The following DCTN1 variants were observed in gnomAD, a reference collection of about 807,000 sequenced individuals.
The protein encoded by DCTN1 is 150 kDa dynein-associated polypeptide.
DCTN1 carries 61 observed loss-of-function variants against 161.2 expected under a neutral mutation model. The ratio of observed to expected loss-of-function variants is 0.38; its 90% confidence interval spans 0.31 to 0.47. DCTN1 has a LOEUF of 0.47. DCTN1 is among the 20% of genes least tolerant of loss of function. The probability of loss-of-function intolerance (pLI) is 0.99; values close to 1 mark genes in which losing one functional copy is unlikely to be tolerated. For missense variants in DCTN1, 1,404 were observed against 1,623.7 expected, an observed-to-expected ratio of 0.86 and a Z score of 2.33; for synonymous variants, 653 against 632.4, an observed-to-expected ratio of 1.03 and a Z score of -0.49.
At chr2:74,382,616 C>T (rs982592641), upstream of DCTN1, among the ~76,000 whole-genome samples, 5 of 142,834 alleles carry the variant, frequency 3.5e-5, no homozygotes, top group Admixed American at 3.5e-4. Context: ...AAAAAAAGCA[C>T]CTTGTAAAAA....
At chr2:74,362,272 G>A in intron 30 of DCTN1, 131 bp from the exon 31 acceptor site, 1 of 782,494 alleles carries the variant, frequency 1.3e-6, no homozygotes, top group Non-Finnish European at 2.1e-6. Context: ...ACATACTTTT[G>A]CTCTCATCTC....
At position 74,368,913 on chromosome 2, in the gene DCTN1, C is replaced by T. The variant is rs778322766; in HGVS notation, c.1702-33G>A. On this transcript the variant is annotated intron_variant, in intron 15 of 31. Transcript: ENST00000628224. ...GTGAACAGGGAGGAGGACTCTTAGCCAGAGCTGAAAGAGCCCCAAAATTCC... is the reference window on the plus strand; with the variant it reads ...GTGAACAGGGAGGAGGACTCTTAGCTAGAGCTGAAAGAGCCCCAAAATTCC... 2.5e-6 allele frequency: 4 copies of T among 1,613,456 alleles called. No homozygotes were observed. In the Admixed American group the frequency reaches 5.0e-5, roughly 20 times the overall value.
intron 7 of DCTN1, 113 bp from the exon 8 acceptor site, chr2:74,371,841 A>C (rs1674882330): frequency 1.2e-6 from 1 of 859,280 alleles, no homozygotes; most frequent in East Asian, 2.6e-5. Flanking sequence ...AAAGGGAAAA[A>C]GCAGAAAGAG....
At position 74,368,000 on chromosome 2, in the gene DCTN1, C is replaced by T. The variant is rs1409478361; in HGVS notation, c.1986G>A (p.Leu662=). 2 of 1,614,230 alleles carry T rather than the reference C, an allele frequency of 1.2e-6. No homozygotes were observed. The highest frequency in any genetic ancestry group is 1.7e-5 in the Admixed American group (1 of 60,032). The change falls in exon 17 of 32, where the codon CTG becomes CTA. Residue 662 remains leucine, a synonymous_variant. Coordinates refer to ENST00000628224, the MANE Select transcript of DCTN1 (RefSeq NM_004082.5). ...FAAGLVYSLS[L]LQATLHRYEH... ...CATAGCGGTGTAGCGTGGCCTGCAG[C>T]AGGCTCAGCGAGTACACCAGTCCAG...
At position 74,370,760 on chromosome 2, in the gene DCTN1, G is replaced by A. The variant is rs1206939326; in HGVS notation, c.909C>T (p.Ala303=). 6.2e-7 allele frequency: 1 copy of A among 1,614,172 alleles called. No homozygotes were observed. ...CCTTGTCCAAAGTGGCCATCTCAATGGCATCAGCAGTATCAGCCATCTCCT... is the reference window on the plus strand; with the variant it reads ...CCTTGTCCAAAGTGGCCATCTCAATAGCATCAGCAGTATCAGCCATCTCCT... The part of the protein sequence containing the change: ...YMEEMADTAD[A]IEMATLDKEM... The change falls in exon 10 of 32, where the codon GCC becomes GCT. Residue 303 remains alanine (A), a synonymous_variant. Coordinates refer to ENST00000628224, the MANE Select transcript of DCTN1 (RefSeq NM_004082.5). The surrounding 1 kb of genome is among the most constrained non-coding windows in gnomAD (Gnocchi z 4.4).
chr2:74,371,818 G>A, intron 7 of DCTN1, 90 bp from the exon 8 acceptor site: 1 of 1,068,130 alleles, frequency 9.4e-7, no homozygotes, highest in South Asian at 1.4e-5. Flanking sequence ...ATATGGCAAG[G>A]GAAGGAGACA....
chr2:74,365,342 C>G, intron 25 of DCTN1, 101 bp from the exon 26 acceptor site: 1 of 1,564,534 alleles, frequency 6.4e-7, no homozygotes, highest in Non-Finnish European at 8.7e-7. Flanking sequence ...CAGTGAGAAG[C>G]CAGGGCAGAG....
intron 1 of DCTN1, 151 bp downstream of exon 1, chr2:74,379,854 C>A: frequency 2.5e-6 from 2 of 802,158 alleles, no homozygotes; most frequent in Non-Finnish European, 4.2e-6. Context: ...CCTTACACCA[C>A]CAGGGCTTCG....
intron 5 of DCTN1, among the ~76,000 whole-genome samples, chr2:74,375,257 G>A (rs1558946910): frequency 6.6e-6 from 1 of 152,202 alleles, no homozygotes; most frequent in Non-Finnish European, 1.5e-5. Context: ...TCTCTAAAGG[G>A]TTTCCAAAAA....
At chr2:74,365,723 G>A in intron 24 of DCTN1, 66 bp from the exon 25 acceptor site, 3 of 1,612,996 alleles carry the variant, frequency 1.9e-6, no homozygotes, top group Non-Finnish European at 2.5e-6. Context: ...CTGGGGGCTA[G>A]ACCATGAGAT....
rs750863499 is a variant in DCTN1, at chr2:74,369,239, A to G, written c.1585-25T>C. ...CCTAGGAGGAGAGACAGTGAAGCACAGCTGGGTCATAAGGAAGCCCTGGGG... is the reference window on the plus strand; with the variant it reads ...CCTAGGAGGAGAGACAGTGAAGCACGGCTGGGTCATAAGGAAGCCCTGGGG... On this transcript the variant is annotated intron_variant, in intron 14 of 31. Transcript: ENST00000628224. This position sits in a 1 kb window ranked among gnomAD's most constrained non-coding sequence, Gnocchi z 4.9. The G allele has an allele frequency of 6.2e-7, 1 of 1,614,180 alleles. No homozygotes were observed. The highest frequency in any genetic ancestry group is 1.7e-5 in the Admixed American group (1 of 60,022).
At position 74,365,946 on chromosome 2, in the gene DCTN1, G is replaced by A. The variant is rs775726255; in HGVS notation, c.2833C>T (p.Leu945Phe). 4 of 1,614,110 alleles carry A rather than the reference G, an allele frequency of 2.5e-6. No individual in the cohort carries two copies. The highest frequency in any genetic ancestry group is 2.2e-5 in the East Asian group (1 of 44,894). Residue 945 changes from leucine to phenylalanine, a missense_variant, in exon 24 of 32, where the codon CTC (leucine) becomes TTC (phenylalanine). Around this residue, in one of 9 missense-constraint regions of DCTN1, gnomAD observed 475 missense variants for 489.8 expected, o/e 0.97. Transcript: ENST00000628224. ...TTAATAACTGTCTCTCGATCTTCGA[G>A]CTTCAAACCCAGGCCTTCAGCATCT... Reference protein sequence around the residue: ...ITDAEGLGLKLEDRETVIKEL... With the variant: ...ITDAEGLGLKFEDRETVIKEL...
intron 21 of DCTN1, 57 bp downstream of exon 21, chr2:74,366,726 C>T (rs936203014): frequency 2.0e-5 from 32 of 1,611,142 alleles, no homozygotes; most frequent in Middle Eastern, 1.6e-4. Flanking sequence ...TCTTCAAGTG[C>T]TATACCCTTC....
At chr2:74,371,768 A>G in intron 7 of DCTN1, 40 bp from the exon 8 acceptor site, 10 of 1,525,442 alleles carry the variant, frequency 6.6e-6, no homozygotes, top group Non-Finnish European at 9.0e-6. Flanking sequence ...AAGAAAGCAG[A>G]GGATAGGGGT....
intron 1 of DCTN1, chr2:74,385,619 C>T (rs1385578050): frequency 6.6e-6 from 1 of 152,240 alleles, no homozygotes; most frequent in African/African-American, 2.4e-5. Flanking sequence ...CATCCTTTCT[C>T]TTTTTAAACC....
Position 74,368,125 on chromosome 2 carries a change from G to C in DCTN1, c.1861C>G (p.Leu621Val). 6.3e-7 allele frequency: 1 copy of C among 1,585,382 alleles called. No individual in the cohort carries two copies. Among genetic ancestry groups the C allele is most frequent in the Non-Finnish European group, 8.6e-7 (1 of 1,165,102 alleles). ...LMPRLICKAE[L>V]IRKQAQEKFE... is the part of the protein sequence containing the mutation. Reference sequence around the variant, plus strand: ...TTCTCCTGGGCCTGCTTCCGGATCAGCTCTGCCTGTGGGAAAAAGCACCAG... The same window carrying C: ...TTCTCCTGGGCCTGCTTCCGGATCACCTCTGCCTGTGGGAAAAAGCACCAG... The change falls in exon 17 of 32, where the codon CTG becomes GTG. Residue 621 changes from leucine to valine, a missense_variant. Around this residue, in one of 9 missense-constraint regions of DCTN1, gnomAD observed 475 missense variants for 489.8 expected, o/e 0.97. Coordinates refer to ENST00000628224, the MANE Select transcript of DCTN1 (RefSeq NM_004082.5).
intron 6 of DCTN1, among the ~76,000 whole-genome samples, chr2:74,373,762 G>T (rs1210508918): frequency 2.6e-5 from 4 of 152,232 alleles, no homozygotes; most frequent in Admixed American, 2.6e-4. Flanking sequence ...CTCTAGCCAA[G>T]ACAAGATTTG....
chr2:74,377,654 T>C lies in DCTN1; in HGVS notation c.352A>G (p.Lys118Glu). The C allele has an allele frequency of 6.2e-7, 1 of 1,614,082 alleles. No homozygotes were observed. Among genetic ancestry groups the C allele is most frequent in the Non-Finnish European group, 8.5e-7 (1 of 1,179,928 alleles). Reference sequence around the variant, plus strand: ...TTAAGTGGGTGGTTGTTACCTCTTTTGAGGACTTTTGAAGCAGAAGAATCA... The same window carrying C: ...TTAAGTGGGTGGTTGTTACCTCTTTCGAGGACTTTTGAAGCAGAAGAATCA... Reference protein sequence around the residue: ...TPDSSASKVLKREGTDTTAKT... With the variant: ...TPDSSASKVLEREGTDTTAKT... The change falls in exon 3 of 32, where the codon AAA (lysine) becomes GAA (glutamate). Residue 118 changes from lysine to glutamate, a missense_variant. Physicochemically the swap from Lys to Glu is moderately conservative, Grantham distance 56. This residue lies in a region of DCTN1 where 174 missense variants were observed against 175.6 expected (regional missense o/e 0.99). Transcript: ENST00000628224.
chr2:74,364,737 C>T, intron 26 of DCTN1: 1 of 390,404 alleles, frequency 2.6e-6, no homozygotes, highest in Non-Finnish European at 4.9e-6. Flanking sequence ...GGAGAGTCAG[C>T]CCAGCCTGCT....
Sources: gnomAD v4.1 joint callset for allele counts (sites outside exome capture counted in the v4.1 genomes callset) on GRCh38, gnomAD v4.1.1 for gene constraint, gnomAD v4.1.1 regional missense constraint, Gnocchi (gnomAD v3.1) non-coding constraint, MANE v1.5 for transcripts, NCBI Gene and HGNC (gene_info 2026-07-23, HGNC 2026-07-21) for gene names.